Variants in S100PBP observed in about 807,000 individuals in gnomAD.
The protein encoded by S100PBP is S100P binding protein, also known as S100P-binding protein.
In S100PBP, 15 loss-of-function variants were observed where a neutral mutation model predicts 39.9. That is an observed-to-expected ratio of 0.38 (90% CI 0.25 to 0.58). The LOEUF (loss-of-function observed/expected upper bound fraction) is 0.58, where lower values mean the gene tolerates loss of function less well. S100PBP is among the 20% of genes least tolerant of loss of function. S100PBP has a pLI of 0.70. For missense variants in S100PBP, 504 were observed against 487.3 expected, an observed-to-expected ratio of 1.03 and a Z score of -0.32; for synonymous variants, 178 against 180.3, an observed-to-expected ratio of 0.99 and a Z score of 0.10.
chr1:32,838,169 G>A (rs952847804), intron 5 of S100PBP, among the ~76,000 whole-genome samples: 2 of 151,632 alleles, frequency 1.3e-5, no homozygotes, highest in South Asian at 2.1e-4. Flanking sequence ...GTGAAACTCC[G>A]TCTCTACTAA....
upstream of S100PBP, chr1:32,816,701 A>AGG: frequency 6.1e-6 from 1 of 164,196 alleles, no homozygotes; most frequent in South Asian, 1.4e-4. Flanking sequence ...TTGTGGAGTG[A>AGG]GGGGGGGGGA....
intron 5 of S100PBP, among the ~76,000 whole-genome samples, chr1:32,844,774 G>T (rs1283301607): frequency 1.3e-5 from 2 of 151,656 alleles, no homozygotes; most frequent in African/African-American, 4.8e-5. Flanking sequence ...TCTATAGATA[G>T]AGATATATAT....
chr1:32,835,710 C>T (rs902693736), intron 5 of S100PBP: 1 of 152,028 alleles, frequency 6.6e-6, no homozygotes, highest in Admixed American at 6.6e-5. Flanking sequence ...AAGATTTACC[C>T]ATTGTGGCAT....
intron 5 of S100PBP, 87 bp from the exon 6 acceptor site, chr1:32,852,992 T>C: frequency 2.2e-6 from 2 of 891,912 alleles, no homozygotes; most frequent in Non-Finnish European, 3.7e-6. Flanking sequence ...CAGTGCCTGT[T>C]TTCTCTTTCC....
At chr1:32,843,027 G>A (rs146924790) in intron 5 of S100PBP, 1 of 152,126 alleles carries the variant, frequency 6.6e-6, no homozygotes, top group African/African-American at 2.4e-5. Flanking sequence ...ATATTGTGAT[G>A]CTTTTGTAAA....
intron 5 of S100PBP, among the ~76,000 whole-genome samples, chr1:32,837,444 A>G (rs1244099354): frequency 1.4e-5 from 2 of 145,052 alleles, no homozygotes; most frequent in African/African-American, 5.1e-5. Flanking sequence ...ACCTGCCTGT[A>G]ATCCCAGCTA....
chr1:32,837,842 A>G (rs1255863266), intron 5 of S100PBP, among the ~76,000 whole-genome samples: 1 of 152,068 alleles, frequency 6.6e-6, no homozygotes, highest in Non-Finnish European at 1.5e-5. Flanking sequence ...GCTGAGTAGT[A>G]TTCCATTATA....
upstream of S100PBP, chr1:32,817,335 G>A: frequency 1.9e-6 from 3 of 1,540,300 alleles, no homozygotes; most frequent in East Asian, 4.5e-5. Context: ...ACTGTCACGC[G>A]AGTCCAGCCA....
At chr1:32,847,380 TTC>T (rs1208164831) in intron 5 of S100PBP, 1 of 152,224 alleles carries the variant, frequency 6.6e-6, no homozygotes, top group Non-Finnish European at 1.5e-5. Context: ...TTGTTTCTCT[TTC>T]CTCGGGGATC....
At chr1:32,840,488 C>G (rs1186226445) in intron 5 of S100PBP, among the ~76,000 whole-genome samples, 2 of 151,566 alleles carry the variant, frequency 1.3e-5, no homozygotes, top group African/African-American at 4.8e-5. Flanking sequence ...TCCCAAGTAG[C>G]TGGGATTACA....
chr1:32,838,947 C>T (rs1310026518), intron 5 of S100PBP, among the ~76,000 whole-genome samples: 1 of 151,878 alleles, frequency 6.6e-6, no homozygotes, highest in Non-Finnish European at 1.5e-5. Context: ...CTTGGTCTTG[C>T]ACATCTGAAG....
chr1:32,832,384 G>A (rs1167581133), intron 5 of S100PBP, among the ~76,000 whole-genome samples: 1 of 152,118 alleles, frequency 6.6e-6, no homozygotes. Flanking sequence ...ATGAAGGTGA[G>A]TGGTGAGTAC....
At chr1:32,841,160 C>CAAA (rs377024249) in intron 5 of S100PBP, among the ~76,000 whole-genome samples, 1 of 101,856 alleles carries the variant, frequency 9.8e-6, no homozygotes, top group Non-Finnish European at 2.2e-5. Context: ...GATTCCATCT[C>CAAA]AAAAAAAAAA....
At chr1:32,821,988 T>G (rs532939651) in intron 1 of S100PBP, among the ~76,000 whole-genome samples, 55 of 152,280 alleles carry the variant, frequency 3.6e-4, no homozygotes, top group African/African-American at 1.3e-3. Context: ...ATTTTTAGAT[T>G]AAAATACACA....
upstream of S100PBP, chr1:32,817,605 G>A (rs1011283407): frequency 5.1e-6 from 2 of 391,140 alleles, no homozygotes; most frequent in East Asian, 9.2e-5. Flanking sequence ...TCGGGGTAGG[G>A]GAGGTCGGGG....
chr1:32,849,611 T>A (rs145519070), intron 5 of S100PBP, among the ~76,000 whole-genome samples: 39 of 152,342 alleles, frequency 2.6e-4, no homozygotes, highest in Non-Finnish European at 4.1e-4. Flanking sequence ...TAGGCTAGTC[T>A]AACAATAAGT....
intron 5 of S100PBP, among the ~76,000 whole-genome samples, chr1:32,844,324 T>TA (rs1237969947): frequency 1.3e-5 from 2 of 152,232 alleles, no homozygotes; most frequent in Non-Finnish European, 1.5e-5. Flanking sequence ...GTGTTGGGGT[T>TA]ACAGGTGTGA....
intron 5 of S100PBP, among the ~76,000 whole-genome samples, chr1:32,845,843 AATTTTTTGT>A (rs1476040121): frequency 6.7e-6 from 1 of 149,246 alleles, no homozygotes; most frequent in South Asian, 2.2e-4. Flanking sequence ...AAGCCTGGCT[AATTTTTTGT>A]ATTTTTTGTA....
At position 32,826,449 on chromosome 1, in the gene S100PBP, C is replaced by G. The variant is rs201873618; in HGVS notation, c.350C>G (p.Pro117Arg). ...VAETPDLFKL[P>R]QLSTSSGHGP... The stretch of plus-strand genomic sequence containing the variant: ...GAGACTCCTGACCTCTTCAAACTAC[C>G]TCAGCTAAGTACATCAAGTGGTCAT... Residue 117 changes from proline (P) to arginine (R), a missense_variant, in exon 3 of 7, where the codon CCT becomes CGT. Transcript: ENST00000373475. 1.2e-5 allele frequency: 20 copies of G among 1,614,072 alleles called. No individual in the cohort carries two copies. In the Admixed American group the frequency reaches 3.3e-4, roughly 27 times the overall value.
Sources: allele counts gnomAD v4.1 joint callset (sites outside exome capture counted in the v4.1 genomes callset), GRCh38; gene constraint gnomAD v4.1.1; transcripts MANE v1.5; gene names NCBI Gene and HGNC (gene_info 2026-07-23, HGNC 2026-07-21).